Variants in ROBO2 observed in about 807,000 individuals in gnomAD.
The protein encoded by ROBO2 is roundabout homolog 2.
Under a neutral mutation model 160.8 loss-of-function variants are expected in ROBO2, and 53 were observed. The observed-to-expected ratio is 0.33, with a 90% confidence interval of 0.26 to 0.41. The LOEUF (loss-of-function observed/expected upper bound fraction) is 0.41, where lower values mean the gene tolerates loss of function less well. Among genes scored for constraint, ROBO2 ranks in the 10% least tolerant of loss-of-function variants. The probability of loss-of-function intolerance (pLI) is 1.00; values close to 1 mark genes in which losing one functional copy is unlikely to be tolerated. For synonymous variants in ROBO2, 664 were observed against 611.7 expected (o/e 1.09, Z -1.26); for missense variants, 1,577 against 1,722.4 (o/e 0.92, Z 1.49).
chr3:76,702,424 A>C (rs536438244), intron 2 of ROBO2, among the ~76,000 whole-genome samples: 1 of 152,128 alleles, frequency 6.6e-6, no homozygotes, highest in African/African-American at 2.4e-5. Context: ...ATAGGGGGAA[A>C]AATCAATTGA....
chr3:76,922,153 T>C (rs1261301584), intron 2 of ROBO2, among the ~76,000 whole-genome samples: 1 of 152,022 alleles, frequency 6.6e-6, no homozygotes, highest in Non-Finnish European at 1.5e-5. Flanking sequence ...GCACTAAAAA[T>C]ACAAAAAGTT....
At chr3:77,047,840 G>A (rs770657892) in intron 1 of ROBO2, among the ~76,000 whole-genome samples, 33 of 151,486 alleles carry the variant, frequency 2.2e-4, no homozygotes, top group Non-Finnish European at 4.1e-4. Flanking sequence ...TCAGGAGGTC[G>A]AGACTATCCT....
At position 77,028,855 on chromosome 3, in the gene ROBO2, T is replaced by G. The variant is rs184357350; in HGVS notation, c.110-69159T>G. On this transcript the variant is annotated intron_variant, in intron 2 of 26. Transcript: ENST00000487694. ...ATATTTGTGACATATTCTCTGTACCTTTTATTGTGTGTGTGTGAATATAAG... is the reference window on the plus strand; with the variant it reads ...ATATTTGTGACATATTCTCTGTACCGTTTATTGTGTGTGTGTGAATATAAG... Among the ~76,000 whole-genome samples, 238 of 152,344 alleles carry G rather than the reference T, an allele frequency of 1.6e-3. 1 individual carries two copies. Among genetic ancestry groups the G allele is most frequent in the Non-Finnish European group, 2.2e-3 (148 of 68,026 alleles).
At chr3:76,337,591 A>G (rs2073973896) in intron 2 of ROBO2, among the ~76,000 whole-genome samples, 1 of 152,186 alleles carries the variant, frequency 6.6e-6, no homozygotes, top group Non-Finnish European at 1.5e-5. Context: ...CTAGTAAGTC[A>G]TAGCCATCAT....
intron 2 of ROBO2, among the ~76,000 whole-genome samples, chr3:77,297,515 A>G (rs1013678843): frequency 2.6e-5 from 4 of 152,170 alleles, no homozygotes; most frequent in Admixed American, 6.6e-5. Flanking sequence ...ATCTGGTTAA[A>G]GGAAACTCCC....
At chr3:77,139,553 G>A (rs1432635430) in intron 2 of ROBO2, among the ~76,000 whole-genome samples, 2 of 152,128 alleles carry the variant, frequency 1.3e-5, no homozygotes, top group Admixed American at 6.5e-5. Context: ...TTCATCACTT[G>A]TCTGATTTGG....
chr3:76,448,637 C>G (rs1273634215), intron 2 of ROBO2, among the ~76,000 whole-genome samples: 1 of 152,152 alleles, frequency 6.6e-6, no homozygotes, highest in Admixed American at 6.6e-5. Flanking sequence ...AAAATGTATT[C>G]TTCAAATCCT....
chr3:76,060,414 A>G (rs1467778965), intron 2 of ROBO2, among the ~76,000 whole-genome samples: 3 of 152,212 alleles, frequency 2.0e-5, no homozygotes, highest in Non-Finnish European at 4.4e-5. Flanking sequence ...TTTAGTAAAC[A>G]ATAAAACTCA....
At chr3:76,319,830 A>C (rs895139965) in intron 2 of ROBO2, among the ~76,000 whole-genome samples, 1 of 151,908 alleles carries the variant, frequency 6.6e-6, no homozygotes, top group East Asian at 1.9e-4. Context: ...AAGTATCTTT[A>C]GCTATTGAAT....
intron 2 of ROBO2, among the ~76,000 whole-genome samples, chr3:76,453,955 A>G (rs540577206): frequency 1.3e-5 from 2 of 152,254 alleles, no homozygotes; most frequent in Non-Finnish European, 2.9e-5. Flanking sequence ...CAGAGCCCAG[A>G]AAGTGCATGA....
At chr3:77,373,195 A>G (rs991526680) in intron 2 of ROBO2, among the ~76,000 whole-genome samples, 1 of 147,756 alleles carries the variant, frequency 6.8e-6, no homozygotes, top group Non-Finnish European at 1.5e-5. Context: ...TTTTAAAATT[A>G]TTATATAATA....
At chr3:77,112,310 C>A (rs566408133) in intron 2 of ROBO2, among the ~76,000 whole-genome samples, 1 of 151,372 alleles carries the variant, frequency 6.6e-6, no homozygotes, top group Admixed American at 6.6e-5. Flanking sequence ...GTGGCGCGAT[C>A]TTGGCTCACT....
At chr3:77,315,290 A>G (rs1296038331) in intron 2 of ROBO2, among the ~76,000 whole-genome samples, 3 of 152,222 alleles carry the variant, frequency 2.0e-5, no homozygotes, top group African/African-American at 4.8e-5. Flanking sequence ...TGGAAATTAA[A>G]TTTTATTATT....
chr3:75,975,739 C>A (rs2065117619), intron 2 of ROBO2, among the ~76,000 whole-genome samples: 1 of 151,488 alleles, frequency 6.6e-6, no homozygotes, highest in East Asian at 1.9e-4. Context: ...TAGTGTGTGA[C>A]AATTAAATCC....
chr3:76,048,710 G>T (rs2067538216), intron 2 of ROBO2, among the ~76,000 whole-genome samples: 1 of 152,148 alleles, frequency 6.6e-6, no homozygotes, highest in Admixed American at 6.5e-5. Context: ...AAGCTAGCAA[G>T]GAAGCTTAGA....
At chr3:75,934,970 G>C (rs1976659) in intron 1 of ROBO2, among the ~76,000 whole-genome samples, 59,234 of 151,906 alleles carry the variant, frequency 0.39, 13,057 homozygotes, top group South Asian at 0.68. Context: ...TGGATATTTT[G>C]ATACTAAGTG....
chr3:76,893,146 A>G (rs1246472119), intron 2 of ROBO2, among the ~76,000 whole-genome samples: 5 of 152,202 alleles, frequency 3.3e-5, no homozygotes, highest in Admixed American at 6.5e-5. Context: ...TACGGTACGC[A>G]TTATCCTTTG....
At chr3:76,152,099 G>A (rs1347635516) in intron 2 of ROBO2, among the ~76,000 whole-genome samples, 1 of 152,114 alleles carries the variant, frequency 6.6e-6, no homozygotes, top group Non-Finnish European at 1.5e-5. Flanking sequence ...GGCCAGTGTT[G>A]TTGGTAAAGG....
chr3:77,440,804 A>C (rs1322213325), intron 2 of ROBO2, among the ~76,000 whole-genome samples: 1 of 152,052 alleles, frequency 6.6e-6, no homozygotes, highest in Non-Finnish European at 1.5e-5. Flanking sequence ...TTCTTTTTCC[A>C]TTTACACCAT....
Sources: gnomAD v4.1 joint callset for allele counts (sites outside exome capture counted in the v4.1 genomes callset) on GRCh38, gnomAD v4.1.1 for gene constraint, MANE v1.5 for transcripts, NCBI Gene and HGNC (gene_info 2026-07-23, HGNC 2026-07-21) for gene names.